RSF1: variants seen among roughly 807,000 people sequenced by gnomAD.
RSF1 encodes remodeling and spacing factor 1, also known as HBV pX-associated protein 8.
A neutral mutation model predicts 145.2 loss-of-function variants in RSF1; 13 were observed. That is an observed-to-expected ratio of 0.09 (90% confidence interval 0.06 to 0.14). RSF1 has a LOEUF of 0.14. Among genes scored for constraint, RSF1 ranks in the 10% least tolerant of loss-of-function variants. The pLI is 1.00. For missense variants in RSF1, 1,517 were observed against 1,718.2 expected, an observed-to-expected ratio of 0.88 and a Z score of 2.07; for synonymous variants, 577 against 592.6, an observed-to-expected ratio of 0.97 and a Z score of 0.38.
chr11:77,845,266 A>T, the RSF1 span, among the ~76,000 whole-genome samples: 1 of 151,950 alleles, frequency 6.6e-6, no homozygotes, highest in Non-Finnish European at 1.5e-5. Context: ...CAGGTCTCTG[A>T]GTCTATATTC....
intron 11 of RSF1, among the ~76,000 whole-genome samples, chr11:77,679,259 G>A (rs972704989): frequency 1.3e-5 from 2 of 152,200 alleles, no homozygotes; most frequent in African/African-American, 4.8e-5. Context: ...AGGTCACGTT[G>A]TACAAAAACT....
In RSF1 at chr11:77,701,604, T is replaced by A. The variant is rs573625928; in HGVS notation, c.1625A>T (p.Asp542Val). ...PDPPEMETSL[D>V]SSEMAKDLSS... Reference sequence around the variant, plus strand: ...GAGATCTTTTGCCATCTCAGAAGAATCAAGAGAAGTTTCCATTTCTGGAGG... The same window carrying A: ...GAGATCTTTTGCCATCTCAGAAGAAACAAGAGAAGTTTCCATTTCTGGAGG... Residue 542 changes from aspartate to valine, a missense_variant, in exon 6 of 16, where the codon GAT becomes GTT. Physicochemically the swap from Asp to Val is radical, Grantham distance 152. Transcript: ENST00000308488. 2.5e-6 allele frequency: 4 copies of A among 1,614,152 alleles called. No individual in the cohort carries two copies. Among genetic ancestry groups the A allele is most frequent in the Non-Finnish European group, 2.5e-6 (3 of 1,180,004 alleles).
At chr11:77,807,874 T>C (rs1948692419) in intron 1 of RSF1, among the ~76,000 whole-genome samples, 2 of 152,068 alleles carry the variant, frequency 1.3e-5, no homozygotes, top group South Asian at 4.2e-4. Context: ...GACAGTTGCT[T>C]TAATTAGGGT....
Position 77,806,520 on chromosome 11 carries a change from AT to A in RSF1, c.187+14007del, listed in dbSNP as rs1345941667. Among the ~76,000 whole-genome samples the A allele has an allele frequency of 1.8e-3, 259 of 145,794 alleles. 1 individual carries two copies. Among genetic ancestry groups the A allele is most frequent in the Admixed American group, 6.9e-3 (101 of 14,540 alleles). ...GCAACACCCATCTCTATAAAAAAAG[AT>A]TTTTTTTTTTTTAACTAGCCAGGTG... On this transcript the variant is annotated intron_variant, in intron 1 of 15. Coordinates refer to ENST00000308488, the MANE Select transcript of RSF1 (RefSeq NM_016578.4).
intron 11 of RSF1, among the ~76,000 whole-genome samples, chr11:77,683,501 C>T (rs988696096): frequency 1.3e-5 from 2 of 150,454 alleles, no homozygotes; most frequent in South Asian, 4.2e-4. Context: ...GTCAGGCATT[C>T]GAGACCAGCC....
intron 3 of RSF1, 126 bp from the exon 4 acceptor site, chr11:77,741,062 T>C (rs1947930723): frequency 1.4e-6 from 1 of 696,438 alleles, no homozygotes; most frequent in African/African-American, 1.8e-5. Context: ...GTATTCCTTC[T>C]TTCACTATCC....
intron 1 of RSF1, among the ~76,000 whole-genome samples, chr11:77,779,913 G>A (rs1032398940): frequency 6.6e-6 from 1 of 152,060 alleles, no homozygotes; most frequent in East Asian, 1.9e-4. Flanking sequence ...TAGCCTCTAG[G>A]GCTTAGCATG....
chr11:77,841,916 G>A, the RSF1 span, among the ~76,000 whole-genome samples: 3 of 152,164 alleles, frequency 2.0e-5, no homozygotes, highest in East Asian at 1.9e-4. Flanking sequence ...GCCTCCTTTG[G>A]CCATGGCGGC....
rs200863356 is a variant in RSF1, at chr11:77,764,667, G to C, written c.210C>G (p.Leu70=). Reference sequence around the variant, plus strand: ...CAATTTTCCTCATCAGCTTCAAATGGAGCTCCACCAATTCTTTTGGTACTT... The same window carrying C: ...CAATTTTCCTCATCAGCTTCAAATGCAGCTCCACCAATTCTTTTGGTACTT... ...NGEVPKELVE[L]HLKLMRKIGK... Residue 70 remains leucine, a synonymous_variant, in exon 2 of 16, where the codon CTC becomes CTG. Transcript: ENST00000308488. 4.4e-6 allele frequency: 7 copies of C among 1,603,068 alleles called. No homozygotes were observed. Among genetic ancestry groups the C allele is most frequent in the Non-Finnish European group, 6.0e-6 (7 of 1,174,594 alleles).
chr11:77,749,403 A>G (rs1948036609), intron 2 of RSF1, among the ~76,000 whole-genome samples: 1 of 152,200 alleles, frequency 6.6e-6, no homozygotes, highest in Non-Finnish European at 1.5e-5. Context: ...TGCTCGGTTG[A>G]GTACCAAGTC....
chr11:77,672,376 TGA>T (rs949846672), intron 14 of RSF1, 146 bp from the exon 15 acceptor site: 2 of 665,062 alleles, frequency 3.0e-6, no homozygotes, highest in African/African-American at 3.6e-5. Context: ...TCATTTTATT[TGA>T]GAGAGTATCT....
At chr11:77,850,845 T>C in the RSF1 span, 1 of 151,568 alleles carries the variant, frequency 6.6e-6, no homozygotes, top group South Asian at 2.1e-4. Flanking sequence ...TGACAATAAA[T>C]CACAGATACG....
chr11:77,801,832 A>G (rs1948629109), intron 1 of RSF1, among the ~76,000 whole-genome samples: 1 of 151,868 alleles, frequency 6.6e-6, no homozygotes, highest in Non-Finnish European at 1.5e-5. Flanking sequence ...CTGGGTTAAC[A>G]ATCAATCATG....
At chr11:77,869,309 TTTC>T in the RSF1 span, 1 of 133,232 alleles carries the variant, frequency 7.5e-6, no homozygotes, top group Non-Finnish European at 1.6e-5. Flanking sequence ...TTTATCTCTT[TTTC>T]TTTTTTTTTT....
At chr11:77,872,002 C>G in the RSF1 span, 1,495 of 487,848 alleles carry the variant, frequency 3.1e-3, 17 homozygotes, top group African/African-American at 0.025. Flanking sequence ...GACAAAGAGG[C>G]CTTTTTGACT....
intron 8 of RSF1, 61 bp downstream of exon 8, chr11:77,693,446 A>T: frequency 3.9e-6 from 4 of 1,030,672 alleles, no homozygotes; most frequent in Non-Finnish European, 4.6e-6. Flanking sequence ...AGTAGCTATT[A>T]AACAGTTATT....
At chr11:77,690,378 C>T (rs937228720) in intron 9 of RSF1, among the ~76,000 whole-genome samples, 8 of 152,142 alleles carry the variant, frequency 5.3e-5, no homozygotes, top group Admixed American at 5.2e-4. Flanking sequence ...CTCTACAATA[C>T]TTAGTTATGG....
intron 1 of RSF1, among the ~76,000 whole-genome samples, chr11:77,815,516 G>A (rs1335554229): frequency 6.6e-6 from 1 of 151,872 alleles, no homozygotes; most frequent in African/African-American, 2.4e-5. Flanking sequence ...TGTACTTTAG[G>A]CCTGAATTAT....
At chr11:77,793,872 A>G (rs1948546086) in intron 1 of RSF1, among the ~76,000 whole-genome samples, 1 of 152,186 alleles carries the variant, frequency 6.6e-6, no homozygotes, top group Admixed American at 6.5e-5. Context: ...CCTCCAAACA[A>G]GCTCTCAGGG....
Sources: gnomAD v4.1 joint callset for allele counts (sites outside exome capture counted in the v4.1 genomes callset) on GRCh38, gnomAD v4.1.1 for gene constraint, MANE v1.5 for transcripts, NCBI Gene and HGNC (gene_info 2026-07-23, HGNC 2026-07-21) for gene names.